HBS1L: variants seen among roughly 807,000 people sequenced by gnomAD.
HBS1L encodes HBS1 like translational GTPase.
In HBS1L, 55 loss-of-function variants were observed where a neutral mutation model predicts 88.9. The observed-to-expected ratio is 0.62, with a 90% CI of 0.50 to 0.77. The LOEUF is 0.77. HBS1L is among the 30% of genes least tolerant of loss of function. HBS1L has a pLI of 0.00. For missense variants in HBS1L, 741 were observed against 829.3 expected (o/e 0.89, Z 1.31); for synonymous variants, 267 against 288.5 (o/e 0.93, Z 0.76).
At chr6:134,984,000 A>G (rs1774908411) in intron 12 of HBS1L, among the ~76,000 whole-genome samples, 2 of 152,182 alleles carry the variant, frequency 1.3e-5, no homozygotes, top group Non-Finnish European at 2.9e-5. Context: ...TTGAAAGTGT[A>G]TATTGACTTT....
intron 2 of HBS1L, among the ~76,000 whole-genome samples, chr6:135,043,716 A>G (rs1776823960): frequency 6.6e-6 from 1 of 152,192 alleles, no homozygotes; most frequent in Admixed American, 6.5e-5. Context: ...GAATATAGGG[A>G]AAATTGAAGA....
intron 16 of HBS1L, 100 bp downstream of exon 16, chr6:134,969,138 G>T: frequency 2.8e-6 from 2 of 724,748 alleles, no homozygotes; most frequent in East Asian, 2.6e-5. Context: ...AAGTAAAAAT[G>T]GGTTTCACTT....
intron 8 of HBS1L, among the ~76,000 whole-genome samples, chr6:134,992,856 C>A (rs6902954): frequency 0.46 from 69,368 of 151,962 alleles, 16,330 homozygotes; most frequent in South Asian, 0.56. Flanking sequence ...GTAAAGTATA[C>A]AGTCGTGTCC....
intron 7 of HBS1L, among the ~76,000 whole-genome samples, chr6:134,994,314 G>A (rs1775230516): frequency 6.6e-6 from 1 of 152,028 alleles, no homozygotes; most frequent in South Asian, 2.1e-4. Context: ...AACTTAATTT[G>A]CAAGGCTGGT....
chr6:135,015,014 G>A (rs887298797), intron 4 of HBS1L, among the ~76,000 whole-genome samples: 7 of 151,934 alleles, frequency 4.6e-5, no homozygotes, highest in South Asian at 2.1e-4. Flanking sequence ...CACCCTGAGC[G>A]GCAGAGCAAG....
At chr6:135,029,564 A>C (rs1379914577) in intron 4 of HBS1L, among the ~76,000 whole-genome samples, 1 of 152,138 alleles carries the variant, frequency 6.6e-6, no homozygotes, top group Non-Finnish European at 1.5e-5. Context: ...TAATACCCCT[A>C]TCTATAAGAA....
intron 8 of HBS1L, among the ~76,000 whole-genome samples, chr6:134,991,298 G>T (rs1036657852): frequency 6.6e-6 from 1 of 152,090 alleles, no homozygotes; most frequent in African/African-American, 2.4e-5. Context: ...ATTATCTCTA[G>T]ATTATGTGTA....
chr6:135,018,100 C>T (rs925033609), intron 4 of HBS1L, among the ~76,000 whole-genome samples: 1 of 151,822 alleles, frequency 6.6e-6, no homozygotes, highest in Non-Finnish European at 1.5e-5. Context: ...CGTACACACA[C>T]ACAAATTAAG....
At chr6:135,023,469 A>G (rs1776134253) in intron 4 of HBS1L, among the ~76,000 whole-genome samples, 1 of 151,936 alleles carries the variant, frequency 6.6e-6, no homozygotes, top group Admixed American at 6.6e-5. Context: ...AAAAGAACCA[A>G]AAGTATGATA....
chr6:135,002,515 G>T, intron 5 of HBS1L: 2 of 313,446 alleles, frequency 6.4e-6, no homozygotes, highest in South Asian at 1.5e-4. Flanking sequence ...TAAGAAAACT[G>T]GCAGTGAGGT....
At position 135,036,335 on chromosome 6, in the gene HBS1L, CAT is replaced by C. The variant is rs892060043; in HGVS notation, c.430+3236_430+3237del. 91 of 1,139,870 alleles carry C rather than the reference CAT, an allele frequency of 8.0e-5. No homozygotes were observed. The Middle Eastern group carries it at 2.9e-3, about 37-fold the overall frequency. 70.6% of individuals were successfully genotyped at this position (1,139,870 alleles called of 1,614,324 possible). On this transcript the variant is annotated intron_variant, in intron 4 of 17. Transcript: ENST00000367837. The stretch of plus-strand genomic sequence containing the variant: ...CAAGTTTCCATATCCACTTTGTAAA[CAT>C]ATACTCAGTATAGGTTACCAACTTA...
At chr6:135,037,976 A>T (rs1376909135) in intron 4 of HBS1L, 14 of 1,537,276 alleles carry the variant, frequency 9.1e-6, no homozygotes, top group Non-Finnish European at 1.2e-5. Flanking sequence ...GACTGAGGAT[A>T]AGAACTTTGA....
chr6:135,044,188 A>G (rs1438366968), intron 2 of HBS1L, among the ~76,000 whole-genome samples: 1 of 152,170 alleles, frequency 6.6e-6, no homozygotes, highest in Non-Finnish European at 1.5e-5. Context: ...GTAAAATCCT[A>G]TATTTACTGG....
chr6:135,006,889 T>C (rs1431250393), intron 4 of HBS1L, among the ~76,000 whole-genome samples: 1 of 152,094 alleles, frequency 6.6e-6, no homozygotes, highest in Non-Finnish European at 1.5e-5. Context: ...TGGGGGATTC[T>C]GGCCTCTGTC....
At chr6:135,047,869 A>T (rs1776960311) in intron 2 of HBS1L, among the ~76,000 whole-genome samples, 1 of 152,226 alleles carries the variant, frequency 6.6e-6, no homozygotes, top group African/African-American at 2.4e-5. Flanking sequence ...TACCTAGTCA[A>T]CTGTGATGCT....
chr6:135,037,772 G>C (rs1488005378), intron 4 of HBS1L: 11 of 1,550,550 alleles, frequency 7.1e-6, no homozygotes, highest in South Asian at 4.8e-5. Flanking sequence ...GACATATCAT[G>C]AATTAGGTTA....
chr6:134,989,704 T>C (rs1775078071), intron 8 of HBS1L, among the ~76,000 whole-genome samples: 1 of 152,238 alleles, frequency 6.6e-6, no homozygotes, highest in African/African-American at 2.4e-5. Flanking sequence ...TTCCTTTTAC[T>C]CGTACCTAAA....
At chr6:135,022,015 T>C (rs1390498130) in intron 4 of HBS1L, among the ~76,000 whole-genome samples, 2 of 152,170 alleles carry the variant, frequency 1.3e-5, no homozygotes, top group African/African-American at 2.4e-5. Flanking sequence ...GGTACTTCTA[T>C]TAAATCAGAG....
chr6:134,970,622 A>T (rs181037367), intron 15 of HBS1L, among the ~76,000 whole-genome samples: 1 of 152,338 alleles, frequency 6.6e-6, no homozygotes, highest in Admixed American at 6.5e-5. Context: ...AAAATCAAAA[A>T]GGTTAAGCAA....
Sources: allele counts gnomAD v4.1 joint callset (sites outside exome capture counted in the v4.1 genomes callset), GRCh38; gene constraint gnomAD v4.1.1; transcripts MANE v1.5; gene names NCBI Gene and HGNC (gene_info 2026-07-23, HGNC 2026-07-21).